The following EVL variants were observed in gnomAD, a reference collection of about 807,000 sequenced individuals.
EVL encodes the protein ena/VASP-like protein.
EVL carries 21 observed loss-of-function variants against 59.6 expected under a neutral mutation model. That is an observed-to-expected ratio of 0.35 (90% CI 0.25 to 0.51). The LOEUF is 0.51. Among genes scored for constraint, EVL ranks in the 20% least tolerant of loss-of-function variants. EVL has a pLI of 0.97. For missense variants in EVL, 462 were observed against 546.6 expected (o/e 0.85, Z 1.54); for synonymous variants, 198 against 203.5 (o/e 0.97, Z 0.23).
intron 1 of EVL, among the ~76,000 whole-genome samples, chr14:99,991,982 G>GTGTGTGTGTT (rs1214699765): frequency 6.6e-6 from 1 of 151,768 alleles, no homozygotes; most frequent in Non-Finnish European, 1.5e-5. Context: ...GTGTGTGTGT[G>GTGTGTGTGTT]TGTGTGTGTG....
At chr14:100,092,042 C>T (rs554487797) in intron 2 of EVL, among the ~76,000 whole-genome samples, 1 of 151,920 alleles carries the variant, frequency 6.6e-6, no homozygotes, top group African/African-American at 2.4e-5. Context: ...AGTTCAAGAC[C>T]AGCCTGGGCA....
intron 1 of EVL, among the ~76,000 whole-genome samples, chr14:100,082,454 A>G (rs2140298535): frequency 6.6e-6 from 1 of 152,288 alleles, no homozygotes. Context: ...GGGTTGTCAC[A>G]GGCTCTGCAG....
intron 1 of EVL, among the ~76,000 whole-genome samples, chr14:99,992,072 A>G (rs1007121635): frequency 6.6e-6 from 1 of 151,956 alleles, no homozygotes; most frequent in Non-Finnish European, 1.5e-5. Flanking sequence ...CACTTCCACC[A>G]ACTGTGCACA....
At chr14:100,097,410 C>G in intron 2 of EVL, 71 bp from the exon 3 acceptor site, 1 of 1,397,338 alleles carries the variant, frequency 7.2e-7, no homozygotes. Flanking sequence ...TATACTTGCT[C>G]CATCGCAGCG....
In EVL at chr14:100,128,619, C is replaced by A; in HGVS notation, c.588C>A (p.Pro196=). 6.7e-7 allele frequency: 1 copy of A among 1,494,060 alleles called. No individual in the cohort carries two copies. The highest frequency in any genetic ancestry group is 9.1e-7 in the Non-Finnish European group (1 of 1,104,898). The allele number at this position is 1,494,060 out of a possible 1,614,324, so 92.6% of individuals were successfully genotyped here. A position where few individuals can be genotyped will look rare whatever the true frequency, so the allele number is the denominator to read the frequency against. The change falls in exon 6 of 14, where the codon CCC becomes CCA. Residue 196 remains proline (P), a synonymous_variant. Coordinates refer to ENST00000392920, the MANE Select transcript of EVL (RefSeq NM_016337.3). ...CCCCACCCCCAGTCCCACCTCCACC[C>A]ACTGGGGCTACCCCACCTCCCCCAC... ...PPPPPPVPPP[P]TGATPPPPPP... is the part of the protein sequence containing the mutation.
chr14:100,136,671 A>G (rs1315903858), intron 9 of EVL, among the ~76,000 whole-genome samples: 1 of 152,122 alleles, frequency 6.6e-6, no homozygotes, highest in Non-Finnish European at 1.5e-5. Flanking sequence ...GGGCATGCTC[A>G]GGTTGGGTGT....
chr14:100,012,268 GTCTGTT>G (rs1190752660), intron 1 of EVL, among the ~76,000 whole-genome samples: 7 of 152,138 alleles, frequency 4.6e-5, no homozygotes, highest in Non-Finnish European at 8.8e-5. Flanking sequence ...AGGTTATGGG[GTCTGTT>G]TCTAACTGTT....
At chr14:99,988,138 A>C (rs1269928738) in intron 1 of EVL, among the ~76,000 whole-genome samples, 1 of 151,228 alleles carries the variant, frequency 6.6e-6, no homozygotes, top group Non-Finnish European at 1.5e-5. Context: ...CTAGTCCCAA[A>C]CTCCCGACTT....
In EVL at chr14:100,003,929, A is replaced by G. The variant is rs1174259729; in HGVS notation, c.5+31872A>G. Among the ~76,000 whole-genome samples, 3 of 152,180 alleles carry G rather than the reference A, an allele frequency of 2.0e-5. 1 individual carries two copies. Among genetic ancestry groups the G allele is most frequent in the African/African-American group, 7.2e-5 (3 of 41,456 alleles). ...CCTTTAAAAAAATGTTAGAGGACAG[A>G]TGCGGTGGCTCACACCTATAATCCC... On this transcript the variant is annotated intron_variant, in intron 1 of 13. Transcript: ENST00000402714.
chr14:100,131,566 A>G (rs1888437492), intron 7 of EVL, among the ~76,000 whole-genome samples: 1 of 152,216 alleles, frequency 6.6e-6, no homozygotes, highest in South Asian at 2.1e-4. Context: ...GCACTTTCAC[A>G]GACACTCATC....
At chr14:99,992,835 A>G (rs1319929483) in intron 1 of EVL, among the ~76,000 whole-genome samples, 3 of 151,986 alleles carry the variant, frequency 2.0e-5, no homozygotes, top group South Asian at 2.1e-4. Context: ...AGCTTTTCCT[A>G]TCTGGCTTTT....
chr14:100,018,403 T>C (rs1475348318), intron 1 of EVL, among the ~76,000 whole-genome samples: 1 of 152,218 alleles, frequency 6.6e-6, no homozygotes, highest in Admixed American at 6.5e-5. Flanking sequence ...GAAGAAAGAA[T>C]TGGAGAAATA....
intron 1 of EVL, among the ~76,000 whole-genome samples, chr14:99,985,133 G>GAT (rs3072365): frequency 0.078 from 11,738 of 151,288 alleles, 622 homozygotes; most frequent in East Asian, 0.28. Flanking sequence ...TTGCTTGACA[G>GAT]ATATATATAT....
chr14:100,038,432 A>G (rs768786739), intron 1 of EVL, among the ~76,000 whole-genome samples: 1 of 152,176 alleles, frequency 6.6e-6, no homozygotes, highest in African/African-American at 2.4e-5. Context: ...CAGATGGCGG[A>G]CAAGGTTGCC....
At chr14:100,029,901 A>G (rs780908943) in intron 1 of EVL, among the ~76,000 whole-genome samples, 1 of 152,136 alleles carries the variant, frequency 6.6e-6, no homozygotes, top group Non-Finnish European at 1.5e-5. Flanking sequence ...CTGCAGAGAT[A>G]AACATTTTCA....
intron 2 of EVL, among the ~76,000 whole-genome samples, chr14:100,093,889 A>G (rs945065822): frequency 3.6e-4 from 55 of 152,246 alleles, no homozygotes; most frequent in African/African-American, 1.3e-3. Flanking sequence ...TCCAGAAATA[A>G]GTCATAAATT....
At chr14:100,091,561 G>A (rs1229342768) in intron 2 of EVL, among the ~76,000 whole-genome samples, 2 of 152,238 alleles carry the variant, frequency 1.3e-5, no homozygotes, top group Non-Finnish European at 2.9e-5. Flanking sequence ...GGCCTAGGGA[G>A]AGCGGAGGAG....
chr14:100,029,336 A>G (rs2061271892), intron 1 of EVL, among the ~76,000 whole-genome samples: 1 of 152,216 alleles, frequency 6.6e-6, no homozygotes, highest in East Asian at 1.9e-4. Flanking sequence ...AAAGTCAGGC[A>G]ATGGGTCATT....
chr14:100,001,107 A>T (rs1447287695), intron 1 of EVL, among the ~76,000 whole-genome samples: 2 of 152,204 alleles, frequency 1.3e-5, no homozygotes, highest in Non-Finnish European at 2.9e-5. Flanking sequence ...GATAGAGGCC[A>T]CGTTACTCTG....
Sources: gnomAD v4.1 joint callset for allele counts (sites outside exome capture counted in the v4.1 genomes callset) on GRCh38, gnomAD v4.1.1 for gene constraint, MANE v1.5 for transcripts, NCBI Gene and HGNC (gene_info 2026-07-23, HGNC 2026-07-21) for gene names.